The following PDZRN4 variants were observed in gnomAD, a reference collection of about 807,000 sequenced individuals.
PDZRN4 encodes PDZ domain-containing RING finger protein 4.
Under a neutral mutation model 99.0 loss-of-function variants are expected in PDZRN4, and 70 were observed. The observed-to-expected ratio is 0.71, with a 90% CI of 0.58 to 0.86. The LOEUF is 0.86. Among genes scored for constraint, PDZRN4 ranks in the 40% least tolerant of loss-of-function variants. The probability of loss-of-function intolerance (pLI) is 0.00; values close to 1 mark genes in which losing one functional copy is unlikely to be tolerated. For synonymous variants in PDZRN4, 551 were observed against 501.6 expected, an observed-to-expected ratio of 1.10 and a Z score of -1.32; for missense variants, 1,474 against 1,331.2, an observed-to-expected ratio of 1.11 and a Z score of -1.67.
chr12:41,529,168 G>A (rs1185844499), intron 5 of PDZRN4, among the ~76,000 whole-genome samples: 1 of 152,106 alleles, frequency 6.6e-6, no homozygotes, highest in Non-Finnish European at 1.5e-5. Context: ...AAAGGACTGA[G>A]CTTTCTAGGG....
At chr12:41,324,294 G>C (rs1951697137) in intron 3 of PDZRN4, among the ~76,000 whole-genome samples, 1 of 151,898 alleles carries the variant, frequency 6.6e-6, no homozygotes, top group Non-Finnish European at 1.5e-5. Flanking sequence ...CAAATTTCTA[G>C]GTAAAACAAG....
chr12:41,313,014 G>A (rs973077167), intron 3 of PDZRN4, among the ~76,000 whole-genome samples: 6 of 152,070 alleles, frequency 3.9e-5, no homozygotes, highest in Admixed American at 1.3e-4. Flanking sequence ...ATAAACTCAG[G>A]ACACTTATTG....
chr12:41,319,500 A>G (rs1392782171), intron 3 of PDZRN4, among the ~76,000 whole-genome samples: 1 of 151,962 alleles, frequency 6.6e-6, no homozygotes, highest in Non-Finnish European at 1.5e-5. Context: ...GCTTGCTTCA[A>G]AGACCCTTAA....
chr12:41,357,616 A>G (rs558283337), intron 3 of PDZRN4, among the ~76,000 whole-genome samples: 1 of 152,116 alleles, frequency 6.6e-6, no homozygotes, highest in East Asian at 1.9e-4. Context: ...AGTAATTCCT[A>G]CATTCATGGG....
intron 3 of PDZRN4, among the ~76,000 whole-genome samples, chr12:41,398,386 A>G (rs750214503): frequency 5.3e-5 from 8 of 151,482 alleles, no homozygotes; most frequent in Non-Finnish European, 7.4e-5. Context: ...AGATGAAGTC[A>G]GTGATTAGAC....
At chr12:41,540,393 T>C (rs1902908) in intron 5 of PDZRN4, among the ~76,000 whole-genome samples, 21,202 of 152,156 alleles carry the variant, frequency 0.14, 1,946 homozygotes, top group Non-Finnish European at 0.2. Flanking sequence ...TCAATGAATG[T>C]CTGAGCATTG....
intron 3 of PDZRN4, among the ~76,000 whole-genome samples, chr12:41,381,648 T>C (rs1463808321): frequency 3.3e-5 from 5 of 152,206 alleles, no homozygotes; most frequent in Non-Finnish European, 5.9e-5. Flanking sequence ...TTTCTAATTT[T>C]GCTTAATTTC....
At chr12:41,197,993 C>A (rs1169863250) in intron 3 of PDZRN4, among the ~76,000 whole-genome samples, 1 of 145,634 alleles carries the variant, frequency 6.9e-6, no homozygotes, top group African/African-American at 2.6e-5. Context: ...CAGCTCACTG[C>A]AGCCTCTACC....
intron 3 of PDZRN4, among the ~76,000 whole-genome samples, chr12:41,269,238 T>G (rs954789215): frequency 6.6e-6 from 1 of 152,208 alleles, no homozygotes. Flanking sequence ...AAGTAGACTT[T>G]CACTGTCAAT....
intron 5 of PDZRN4, among the ~76,000 whole-genome samples, chr12:41,537,233 T>G (rs1938764392): frequency 6.6e-6 from 1 of 152,178 alleles, no homozygotes; most frequent in Non-Finnish European, 1.5e-5. Flanking sequence ...GGAAAAGCAC[T>G]TCTGGTGATA....
intron 3 of PDZRN4, among the ~76,000 whole-genome samples, chr12:41,480,090 A>G (rs1310982002): frequency 6.6e-6 from 1 of 152,228 alleles, no homozygotes; most frequent in African/African-American, 2.4e-5. Context: ...AGCTATTATA[A>G]TTAAAAGTTC....
At chr12:41,461,333 A>G (rs1420506530) in intron 3 of PDZRN4, among the ~76,000 whole-genome samples, 1 of 152,074 alleles carries the variant, frequency 6.6e-6, no homozygotes, top group East Asian at 1.9e-4. Flanking sequence ...CCTAGTACCC[A>G]TTAGTTAATT....
At chr12:41,399,944 A>G (rs1902907) in intron 3 of PDZRN4, among the ~76,000 whole-genome samples, 82,257 of 151,626 alleles carry the variant, frequency 0.54, 23,791 homozygotes, top group African/African-American at 0.77. Flanking sequence ...AGGGCACAGT[A>G]AAAAGGGGGC....
intron 3 of PDZRN4, among the ~76,000 whole-genome samples, chr12:41,336,041 GTA>G (rs1186503464): frequency 6.6e-6 from 1 of 152,022 alleles, no homozygotes; most frequent in East Asian, 1.9e-4. Flanking sequence ...GTTTATGTAT[GTA>G]TATGCAAATT....
chr12:41,561,037 T>C (rs1939261016), intron 7 of PDZRN4, among the ~76,000 whole-genome samples: 1 of 152,246 alleles, frequency 6.6e-6, no homozygotes, highest in Non-Finnish European at 1.5e-5. Flanking sequence ...TGCCCCAAAG[T>C]AAGAACTAAT....
At chr12:41,282,381 A>G (rs1951392965) in intron 3 of PDZRN4, among the ~76,000 whole-genome samples, 1 of 152,240 alleles carries the variant, frequency 6.6e-6, no homozygotes, top group Non-Finnish European at 1.5e-5. Flanking sequence ...GCAAGTTATT[A>G]GAGACCTACA....
At chr12:41,400,802 C>T (rs1189176458) in intron 3 of PDZRN4, among the ~76,000 whole-genome samples, 1 of 152,170 alleles carries the variant, frequency 6.6e-6, no homozygotes. Context: ...TGTAAAACAT[C>T]TTTTTATAAA....
At chr12:41,281,203 A>T (rs1329258840) in intron 3 of PDZRN4, among the ~76,000 whole-genome samples, 2 of 151,906 alleles carry the variant, frequency 1.3e-5, no homozygotes, top group Non-Finnish European at 1.5e-5. Context: ...CAAAAACTCC[A>T]TCCAAAGATC....
chr12:41,438,041 T>C, intron 3 of PDZRN4: 1 of 1,610,538 alleles, frequency 6.2e-7, no homozygotes, highest in Non-Finnish European at 8.5e-7. Flanking sequence ...TACCAGCAAC[T>C]AAGAGCCAGG....
Sources: allele counts gnomAD v4.1 joint callset (sites outside exome capture counted in the v4.1 genomes callset), GRCh38; gene constraint gnomAD v4.1.1; transcripts MANE v1.5; gene names NCBI Gene and HGNC (gene_info 2026-07-23, HGNC 2026-07-21).